The following CCDC91 variants were observed in gnomAD, a reference collection of about 807,000 sequenced individuals.
CCDC91 encodes coiled-coil domain containing 91.
CCDC91 carries 48 observed loss-of-function variants against 63.2 expected under a neutral mutation model. That is an observed-to-expected ratio of 0.76 (90% CI 0.60 to 0.97). CCDC91 has a LOEUF of 0.97. Ranked by LOEUF, CCDC91 falls within the 50% of genes least tolerant of loss-of-function variation. The pLI, the probability that CCDC91 is intolerant of heterozygous loss-of-function variation, is 0.00. For missense variants in CCDC91, 500 were observed against 494.6 expected (o/e 1.01, Z -0.10); for synonymous variants, 167 against 165.8 (o/e 1.01, Z -0.06).
At chr12:28,430,819 G>T (rs986256030) in intron 8 of CCDC91, among the ~76,000 whole-genome samples, 1 of 152,068 alleles carries the variant, frequency 6.6e-6, no homozygotes, top group Non-Finnish European at 1.5e-5. Context: ...AAATAAACTT[G>T]GCTGCTTCAG....
chr12:28,300,113 C>G (rs1190070952), intron 3 of CCDC91, among the ~76,000 whole-genome samples: 2 of 151,380 alleles, frequency 1.3e-5, no homozygotes, highest in Non-Finnish European at 3.0e-5. Context: ...TATCTATAAT[C>G]AAGCCATAGT....
chr12:28,508,630 T>A (rs1186961900), intron 12 of CCDC91, among the ~76,000 whole-genome samples: 2 of 151,890 alleles, frequency 1.3e-5, no homozygotes, highest in Non-Finnish European at 2.9e-5. Flanking sequence ...GTTCTTGACA[T>A]GTGGAGCCTG....
chr12:28,497,897 A>G (rs1952395112), intron 12 of CCDC91, among the ~76,000 whole-genome samples: 1 of 151,504 alleles, frequency 6.6e-6, no homozygotes. Context: ...AATGTATTCA[A>G]CCCTTTGCTT....
At chr12:28,206,594 A>T (rs143603960) in intron 1 of CCDC91, among the ~76,000 whole-genome samples, 6 of 152,308 alleles carry the variant, frequency 3.9e-5, no homozygotes, top group African/African-American at 1.4e-4. Flanking sequence ...TGAGCTAGAT[A>T]AAGAGTCTAC....
intron 11 of CCDC91, among the ~76,000 whole-genome samples, chr12:28,477,971 C>G (rs770175812): frequency 2.1e-4 from 32 of 152,062 alleles, no homozygotes; most frequent in Non-Finnish European, 4.0e-4. Context: ...AGGATACAAA[C>G]AAATGGAACA....
At chr12:28,279,191 C>G (rs1948434772) in intron 3 of CCDC91, among the ~76,000 whole-genome samples, 1 of 151,386 alleles carries the variant, frequency 6.6e-6, no homozygotes, top group Non-Finnish European at 1.5e-5. Context: ...CTTTTCTTCA[C>G]TGTACTTGTA....
chr12:28,308,740 A>C (rs564835995), intron 6 of CCDC91, among the ~76,000 whole-genome samples: 19 of 151,934 alleles, frequency 1.3e-4, no homozygotes, highest in African/African-American at 4.6e-4. Context: ...CTCTCCATCC[A>C]CCTTATCATA....
rs185994335 is a variant in CCDC91 at position 28,441,972 on chromosome 12, T to C, written c.763-8189T>C. The stretch of plus-strand genomic sequence containing the variant: ...AAAATCTACCTAAAGAAAAAGACTT[T>C]TAAAATAATCATTATCAAGTAGGTA... On this transcript the variant is annotated intron_variant, in intron 8 of 12. Coordinates refer to ENST00000536442, the MANE Select transcript of CCDC91 (RefSeq NM_018318.5). Among the ~76,000 whole-genome samples, 8 of 152,098 alleles carry C rather than the reference T, an allele frequency of 5.3e-5. No homozygotes were observed. In the East Asian group the frequency reaches 1.2e-3, roughly 22 times the overall value.
At chr12:28,357,870 G>C (rs1173483601) in intron 6 of CCDC91, among the ~76,000 whole-genome samples, 1 of 152,064 alleles carries the variant, frequency 6.6e-6, no homozygotes, top group Non-Finnish European at 1.5e-5. Context: ...TGATGTTTTG[G>C]GGTTTGACAT....
At chr12:28,412,266 T>C (rs12810319) in intron 8 of CCDC91, among the ~76,000 whole-genome samples, 7,425 of 152,268 alleles carry the variant, frequency 0.049, 233 homozygotes, top group Non-Finnish European at 0.075. Context: ...CATGAATGTA[T>C]TGAGTTCTTT....
chr12:28,521,065 G>T (rs1206114859), intron 12 of CCDC91, among the ~76,000 whole-genome samples: 2 of 152,096 alleles, frequency 1.3e-5, no homozygotes, highest in African/African-American at 4.8e-5. Flanking sequence ...GCTCTTTTTG[G>T]GTTCCATATG....
chr12:28,315,566 C>T (rs1238636490), intron 6 of CCDC91, among the ~76,000 whole-genome samples: 1 of 151,982 alleles, frequency 6.6e-6, no homozygotes, highest in Non-Finnish European at 1.5e-5. Flanking sequence ...ATCTGTTTTG[C>T]TTCACTTATT....
At chr12:28,254,442 A>C (rs1441151916) in intron 1 of CCDC91, among the ~76,000 whole-genome samples, 1 of 152,216 alleles carries the variant, frequency 6.6e-6, no homozygotes, top group Admixed American at 6.5e-5. Flanking sequence ...ATACTTGATA[A>C]GAATGCACTT....
intron 7 of CCDC91, among the ~76,000 whole-genome samples, chr12:28,372,768 T>C (rs530659502): frequency 3.3e-5 from 5 of 152,214 alleles, no homozygotes; most frequent in Admixed American, 6.5e-5. Context: ...AGTCATGTCA[T>C]TGGCAAACAG....
rs146859421 is a variant in CCDC91 at position 28,276,652 on chromosome 12, C to T, written c.109+17210C>T. Reference sequence around the variant, plus strand: ...TGAGTCTGAACCAGCCTTTCAAGGTCTTGGGGCAAATGATTTTTTTCATTT... The same window carrying T: ...TGAGTCTGAACCAGCCTTTCAAGGTTTTGGGGCAAATGATTTTTTTCATTT... On this transcript the variant is annotated intron_variant, in intron 3 of 12. Coordinates refer to ENST00000536442, the MANE Select transcript of CCDC91 (RefSeq NM_018318.5). Among the ~76,000 whole-genome samples, 14 of 151,912 alleles carry T rather than the reference C, an allele frequency of 9.2e-5. No homozygotes were observed. In the East Asian group the frequency reaches 2.5e-3, roughly 27 times the overall value.
chr12:28,522,779 G>C (rs1415374499), intron 12 of CCDC91, among the ~76,000 whole-genome samples: 1 of 152,076 alleles, frequency 6.6e-6, no homozygotes, highest in Admixed American at 6.6e-5. Context: ...TTGTGTCTTT[G>C]TTCTCATTGG....
intron 6 of CCDC91, among the ~76,000 whole-genome samples, chr12:28,347,335 C>T (rs1942878795): frequency 6.6e-6 from 1 of 152,168 alleles, no homozygotes; most frequent in Non-Finnish European, 1.5e-5. Flanking sequence ...ATGGAATTTC[C>T]TTCAGTTAAT....
At chr12:28,314,306 A>G (rs1156291012) in intron 6 of CCDC91, among the ~76,000 whole-genome samples, 1 of 152,016 alleles carries the variant, frequency 6.6e-6, no homozygotes, top group East Asian at 1.9e-4. Flanking sequence ...GATTTCACAG[A>G]TTGTATTATT....
chr12:28,384,703 CA>C (rs2139155092), intron 7 of CCDC91, among the ~76,000 whole-genome samples: 1 of 151,944 alleles, frequency 6.6e-6, no homozygotes, highest in South Asian at 2.1e-4. Context: ...CAAATGGAAA[CA>C]AATGGTTAAA....
Sources: gnomAD v4.1 joint callset for allele counts (sites outside exome capture counted in the v4.1 genomes callset) on GRCh38, gnomAD v4.1.1 for gene constraint, MANE v1.5 for transcripts, NCBI Gene and HGNC (gene_info 2026-07-23, HGNC 2026-07-21) for gene names.